The following TRAPPC9 variants were observed in gnomAD, a reference collection of about 807,000 sequenced individuals.
The protein encoded by TRAPPC9 is IKK2 binding protein.
TRAPPC9 carries 83 observed loss-of-function variants against 124.0 expected under a neutral mutation model. The ratio of observed to expected loss-of-function variants is 0.67; its 90% CI spans 0.56 to 0.80. The LOEUF is 0.80. Among genes scored for constraint, TRAPPC9 ranks in the 30% least tolerant of loss-of-function variants. TRAPPC9 has a pLI of 0.00. For synonymous variants in TRAPPC9, 638 were observed against 617.5 expected (o/e 1.03, Z -0.49); for missense variants, 1,302 against 1,508.3 (o/e 0.86, Z 2.27).
At chr8:139,859,603 TAC>T (rs767569040) in intron 21 of TRAPPC9, among the ~76,000 whole-genome samples, 33 of 152,190 alleles carry the variant, frequency 2.2e-4, no homozygotes, top group Non-Finnish European at 4.0e-4. Context: ...ACACTCAGCC[TAC>T]ACACACAGAA....
At chr8:140,273,265 C>T (rs1287423563) in intron 15 of TRAPPC9, among the ~76,000 whole-genome samples, 2 of 152,234 alleles carry the variant, frequency 1.3e-5, no homozygotes, top group East Asian at 3.8e-4. Flanking sequence ...TGCCTCCCTC[C>T]TCGCACTTCC....
At position 140,252,237 on chromosome 8, in the gene TRAPPC9, G is replaced by A. The variant is rs2064148017; in HGVS notation, c.2431+540C>T. Reference sequence around the variant, plus strand: ...GACAGGATTTCACCATGTTGTCCAGGCTGGTCTGAAAGTCCTGGCCTCAGG... The same window carrying A: ...GACAGGATTTCACCATGTTGTCCAGACTGGTCTGAAAGTCCTGGCCTCAGG... On this transcript the variant is annotated intron_variant, in intron 16 of 22. Coordinates refer to ENST00000438773, the MANE Select transcript of TRAPPC9 (RefSeq NM_001160372.4). This position sits in a 1 kb window ranked among gnomAD's most constrained non-coding sequence, Gnocchi z 4.2. 6.6e-6 allele frequency among the ~76,000 whole-genome samples: 1 copy of A among 152,108 alleles called. No homozygotes were observed.
At chr8:140,067,573 T>A (rs914121102) in intron 17 of TRAPPC9, among the ~76,000 whole-genome samples, 3 of 152,204 alleles carry the variant, frequency 2.0e-5, no homozygotes, top group African/African-American at 7.2e-5. Context: ...CCTGGTTGCA[T>A]CTAAGCAAAG....
chr8:139,793,076 T>C (rs1168051670), intron 21 of TRAPPC9, among the ~76,000 whole-genome samples: 1 of 152,136 alleles, frequency 6.6e-6, no homozygotes, highest in Non-Finnish European at 1.5e-5. Flanking sequence ...GCGGCCCAGC[T>C]GCCAGGGAGG....
At chr8:139,957,000 G>A (rs1036356472) in intron 19 of TRAPPC9, among the ~76,000 whole-genome samples, 2 of 152,242 alleles carry the variant, frequency 1.3e-5, no homozygotes, top group African/African-American at 4.8e-5. Flanking sequence ...GGAGGGACAC[G>A]GCTTCAAAGG....
intron 17 of TRAPPC9, among the ~76,000 whole-genome samples, chr8:140,055,621 C>T (rs186856197): frequency 5.3e-5 from 8 of 152,312 alleles, no homozygotes; most frequent in Admixed American, 2.6e-4. Flanking sequence ...GAAAACATTA[C>T]TCTACAAGCT....
chr8:140,349,005 A>T (rs1484775698), intron 9 of TRAPPC9, among the ~76,000 whole-genome samples: 1 of 150,884 alleles, frequency 6.6e-6, no homozygotes, highest in Non-Finnish European at 1.5e-5. Flanking sequence ...AGAGGACAGG[A>T]AATGACTCCT....
In TRAPPC9 at chr8:139,728,297, A is replaced by G. The variant is rs757181654; in HGVS notation, c.*2764T>C. ...GGCCTGTCCTGGCCCTGAGGGACCAAGGATCAGAAGGGCAGAACCAACTCG... is the reference window on the plus strand; with the variant it reads ...GGCCTGTCCTGGCCCTGAGGGACCAGGGATCAGAAGGGCAGAACCAACTCG... On this transcript the variant is annotated 3_prime_UTR_variant, in exon 23 of 23. Coordinates refer to ENST00000438773, the MANE Select transcript of TRAPPC9 (RefSeq NM_001160372.4). Among the ~76,000 whole-genome samples, 5 of 152,186 alleles carry G rather than the reference A, an allele frequency of 3.3e-5. No individual in the cohort carries two copies. Among genetic ancestry groups the G allele is most frequent in the Non-Finnish European group, 7.3e-5 (5 of 68,040 alleles).
At chr8:140,373,946 A>G (rs537996385) in intron 7 of TRAPPC9, among the ~76,000 whole-genome samples, 1 of 152,202 alleles carries the variant, frequency 6.6e-6, no homozygotes, top group Non-Finnish European at 1.5e-5. Flanking sequence ...TGTTTTGCAA[A>G]TATTTCCTCC....
At chr8:139,800,015 C>A (rs1328206428) in intron 21 of TRAPPC9, among the ~76,000 whole-genome samples, 9 of 152,240 alleles carry the variant, frequency 5.9e-5, no homozygotes, top group Non-Finnish European at 5.9e-5. Flanking sequence ...GCTCCAGAGG[C>A]AGTCAGATTC....
At chr8:140,049,552 C>CA (rs370863868) in intron 17 of TRAPPC9, among the ~76,000 whole-genome samples, 1 of 151,282 alleles carries the variant, frequency 6.6e-6, no homozygotes, top group African/African-American at 2.4e-5. Flanking sequence ...GGCTCCCCCC[C>CA]CCGAGACCAC....
chr8:140,253,107 ACC>A, intron 15 of TRAPPC9, among the ~76,000 whole-genome samples, 178 bp from the exon 16 acceptor site: 1 of 147,884 alleles, frequency 6.8e-6, no homozygotes, highest in Non-Finnish European at 1.5e-5. Context: ...CAAGGCAATC[ACC>A]CCTGTTTATG....
At position 140,104,197 on chromosome 8, in the gene TRAPPC9, T is replaced by C. The variant is rs994642191; in HGVS notation, c.2557-80118A>G. 1.3e-5 allele frequency among the ~76,000 whole-genome samples: 2 copies of C among 152,160 alleles called. No homozygotes were observed. The highest frequency in any genetic ancestry group is 2.4e-5 in the African/African-American group (1 of 41,428). ...AAGAATGACAGTAGAATACATGTGCTACACTGTATGCCAGGGCTGTCGGCT... is the reference window on the plus strand; with the variant it reads ...AAGAATGACAGTAGAATACATGTGCCACACTGTATGCCAGGGCTGTCGGCT... On this transcript the variant is annotated intron_variant, in intron 17 of 22. Coordinates refer to ENST00000438773, the MANE Select transcript of TRAPPC9 (RefSeq NM_001160372.4). This position sits in a 1 kb window ranked among gnomAD's most constrained non-coding sequence, Gnocchi z 4.0.
chr8:140,153,145 T>C (rs1225034492), intron 17 of TRAPPC9, among the ~76,000 whole-genome samples: 1 of 152,130 alleles, frequency 6.6e-6, no homozygotes, highest in Admixed American at 6.5e-5. Flanking sequence ...TCCCCACAGC[T>C]CCTAATGTGA....
intron 21 of TRAPPC9, among the ~76,000 whole-genome samples, chr8:139,797,069 T>G (rs946041757): frequency 2.0e-5 from 3 of 152,234 alleles, no homozygotes; most frequent in African/African-American, 4.8e-5. Context: ...TCTATTCAAG[T>G]CCTTGCCCGT....
At chr8:139,855,139 T>TA (rs1160092240) in intron 21 of TRAPPC9, among the ~76,000 whole-genome samples, 1 of 152,238 alleles carries the variant, frequency 6.6e-6, no homozygotes, top group Non-Finnish European at 1.5e-5. Context: ...GGTCTCCTTG[T>TA]AACCCAGAGC....
chr8:139,970,816 T>C (rs1248485835), intron 19 of TRAPPC9, among the ~76,000 whole-genome samples: 3 of 152,018 alleles, frequency 2.0e-5, no homozygotes, highest in African/African-American at 7.2e-5. Context: ...TTGTCCAGGA[T>C]CACAGTACAA....
rs578007201 is a variant in TRAPPC9 at position 140,146,903 on chromosome 8, T to C, written c.2556+74556A>G. Among the ~76,000 whole-genome samples the C allele has an allele frequency of 3.0e-3, 459 of 152,198 alleles. 1 individual carries two copies. The highest frequency in any genetic ancestry group is 0.011 in the African/African-American group (440 of 41,522). On this transcript the variant is annotated intron_variant, in intron 17 of 22. Transcript: ENST00000438773. Reference sequence around the variant, plus strand: ...AAGGCAGGGAAAAGAGCACTTATTTTCCAATATGATTTTAATAACTAAATG... The same window carrying C: ...AAGGCAGGGAAAAGAGCACTTATTTCCCAATATGATTTTAATAACTAAATG...
At chr8:139,779,428 G>A (rs538789902) in intron 21 of TRAPPC9, among the ~76,000 whole-genome samples, 2 of 151,846 alleles carry the variant, frequency 1.3e-5, no homozygotes, top group African/African-American at 4.8e-5. Context: ...AGAAATGAAG[G>A]CACAGGAAAT....
Sources: allele counts gnomAD v4.1 joint callset (sites outside exome capture counted in the v4.1 genomes callset), GRCh38; gene constraint gnomAD v4.1.1; non-coding constraint Gnocchi (gnomAD v3.1); transcripts MANE v1.5; gene names NCBI Gene and HGNC (gene_info 2026-07-23, HGNC 2026-07-21).